The following PCDHA4 variants were observed in gnomAD, a reference collection of about 807,000 sequenced individuals.
PCDHA4 encodes the protein protocadherin alpha-4.
In PCDHA4, 49 loss-of-function variants were observed where a neutral mutation model predicts 61.4. That is an observed-to-expected ratio of 0.80 (90% CI 0.63 to 1.01). PCDHA4 has a LOEUF of 1.01. Ranked by LOEUF, PCDHA4 falls within the 50% of genes least tolerant of loss-of-function variation. The pLI, the probability that PCDHA4 is intolerant of heterozygous loss-of-function variation, is 0.00. For missense variants in PCDHA4, 1,254 were observed against 1,235.8 expected (o/e 1.01, Z -0.22); for synonymous variants, 590 against 550.3 (o/e 1.07, Z -1.01).
chr5:140,848,388 TC>T, intron 1 of PCDHA4: 1 of 1,225,380 alleles, frequency 8.2e-7, no homozygotes, highest in Non-Finnish European at 1.2e-6. Context: ...TTTCACTCTC[TC>T]TGTGCTGAAC....
chr5:140,848,592 T>C, intron 1 of PCDHA4: 1 of 1,594,614 alleles, frequency 6.3e-7, no homozygotes, highest in Non-Finnish European at 8.6e-7. Context: ...CCAGCTCCAC[T>C]ACTCCGTCCC....
intron 1 of PCDHA4, among the ~76,000 whole-genome samples, chr5:140,907,117 T>G (rs2073177882): frequency 6.6e-6 from 1 of 152,156 alleles, no homozygotes; most frequent in Non-Finnish European, 1.5e-5. Context: ...ACCCCTTGAT[T>G]CCTGGACCTG....
Position 140,820,128 on chromosome 5 carries a change from A to G in PCDHA4, c.2385+10556A>G, listed in dbSNP as rs191849856. ...TTTCTTATGTTTTTAACCATTGTGT[A>G]TTAAAATATTTCAAAATTATCAGTA... is the stretch of plus-strand genomic sequence containing the variant. On this transcript the variant is annotated intron_variant, in intron 1 of 3. Transcript: ENST00000530339. Among the ~76,000 whole-genome samples the G allele has an allele frequency of 3.5e-3, 530 of 152,088 alleles. 5 individuals are homozygous for G. Among genetic ancestry groups the G allele is most frequent in the African/African-American group, 0.012 (508 of 41,552 alleles).
chr5:140,974,221 T>A (rs75147433), intron 1 of PCDHA4, among the ~76,000 whole-genome samples: 1,739 of 152,246 alleles, frequency 0.011, 25 homozygotes, highest in Non-Finnish European at 0.017. Context: ...TAAAGAGAAA[T>A]CTTAGTTCCT....
intron 1 of PCDHA4, chr5:140,850,438 T>A: frequency 6.3e-7 from 1 of 1,597,768 alleles, no homozygotes; most frequent in Non-Finnish European, 8.6e-7. Context: ...CAGCGCCTAC[T>A]GGTGCTGGTG....
At chr5:140,870,849 G>A (rs2052464243) in intron 1 of PCDHA4, 2 of 1,613,878 alleles carry the variant, frequency 1.2e-6, no homozygotes, top group Non-Finnish European at 1.7e-6. Context: ...TAGTACCGCG[G>A]TCGGTGGGTG....
At chr5:140,901,482 G>A (rs1348405650) in intron 1 of PCDHA4, among the ~76,000 whole-genome samples, 8 of 152,010 alleles carry the variant, frequency 5.3e-5, no homozygotes, top group African/African-American at 1.9e-4. Context: ...TATGTTCTTG[G>A]CACCTTCATC....
At chr5:140,989,527 G>A (rs1172019994) in intron 3 of PCDHA4, among the ~76,000 whole-genome samples, 1 of 152,192 alleles carries the variant, frequency 6.6e-6, no homozygotes, top group Non-Finnish European at 1.5e-5. Flanking sequence ...GGGCAGAGGA[G>A]GAAGATAGTT....
At chr5:140,883,316 G>A in intron 1 of PCDHA4, 1 of 1,614,078 alleles carries the variant, frequency 6.2e-7, no homozygotes, top group East Asian at 2.2e-5. Context: ...CGCCCCAGAG[G>A]TTACCATCAC....
At chr5:141,001,025 TA>T (rs1300694860) in intron 3 of PCDHA4, among the ~76,000 whole-genome samples, 1 of 152,246 alleles carries the variant, frequency 6.6e-6, no homozygotes, top group African/African-American at 2.4e-5. Context: ...ACACTTATAA[TA>T]ATAGCTTTAA....
At chr5:140,842,736 G>A in intron 1 of PCDHA4, 1 of 1,594,954 alleles carries the variant, frequency 6.3e-7, no homozygotes, top group South Asian at 1.1e-5. Context: ...CCGCCGGGCT[G>A]CCACATCTTC....
In PCDHA4 at chr5:140,874,972, G is replaced by A. The variant is rs2055201149; in HGVS notation, c.2385+65400G>A. On this transcript the variant is annotated intron_variant, in intron 1 of 3. Coordinates refer to ENST00000530339, the MANE Select transcript of PCDHA4 (RefSeq NM_018907.4). ...TTGTAAGCTATATAAGGGGAGGGGT[G>A]CTGTATATTATTCTGTATATCATTT... 2.6e-5 allele frequency among the ~76,000 whole-genome samples: 4 copies of A among 152,186 alleles called. No homozygotes were observed. In the South Asian group the frequency reaches 6.2e-4, roughly 24 times the overall value.
At chr5:140,838,077 A>ATATAGTGTGTGT (rs1203070308) in intron 1 of PCDHA4, among the ~76,000 whole-genome samples, 2 of 80,700 alleles carry the variant, frequency 2.5e-5, no homozygotes, top group Admixed American at 2.3e-4. Context: ...ATATATATAT[A>ATATAGTGTGTGT]GTGTGTGTGT....
chr5:140,982,765 C>T (rs1345701735), intron 3 of PCDHA4, among the ~76,000 whole-genome samples: 2 of 151,722 alleles, frequency 1.3e-5, no homozygotes, highest in African/African-American at 2.4e-5. Flanking sequence ...AAAAGGATAA[C>T]AAGGAAAGTG....
chr5:140,850,333 C>G lies in PCDHA4; in HGVS notation c.2385+40761C>G, dbSNP rs2150480069. 3.1e-6 allele frequency: 5 copies of G among 1,597,624 alleles called. 1 individual carries two copies. The highest frequency in any genetic ancestry group is 4.3e-6 in the Non-Finnish European group (5 of 1,167,680). ...GCGTGGCTTTCATACGAGCTGCAGC[C>G]AGAAACGGCCAGCGCGAGCATCCCG... On this transcript the variant is annotated intron_variant, in intron 1 of 3. Coordinates refer to ENST00000530339, the MANE Select transcript of PCDHA4 (RefSeq NM_018907.4).
rs1554262648 is a variant in PCDHA4, at chr5:141,010,047, A to G, written c.*110A>G. On this transcript the variant is annotated 3_prime_UTR_variant, in exon 4 of 4. Coordinates refer to ENST00000530339, the MANE Select transcript of PCDHA4 (RefSeq NM_018907.4). The stretch of plus-strand genomic sequence containing the variant: ...CCTATCTACATGAGCCCTCTTAGAG[A>G]CCTCAGAAATCTGCAGAAAGTTCCC... 1.9e-6 allele frequency: 3 copies of G among 1,595,144 alleles called. No homozygotes were observed. The highest frequency in any genetic ancestry group is 1.7e-6 in the Non-Finnish European group (2 of 1,171,458).
chr5:140,978,868 G>C (rs2096826928), intron 1 of PCDHA4, 81 bp from the exon 2 acceptor site: 2 of 1,606,078 alleles, frequency 1.2e-6, no homozygotes, highest in Non-Finnish European at 1.7e-6. Context: ...ATATTTAAGG[G>C]AGTAACTAAT....
chr5:140,829,467 A>C, intron 1 of PCDHA4: 1 of 1,613,844 alleles, frequency 6.2e-7, no homozygotes, highest in Non-Finnish European at 8.5e-7. Context: ...GCGCAGCCCG[A>C]GTACACAGTG....
At chr5:140,835,807 T>C in intron 1 of PCDHA4, 1 of 1,612,998 alleles carries the variant, frequency 6.2e-7, no homozygotes, top group East Asian at 2.2e-5. Flanking sequence ...TGCCACATCT[T>C]CACTGTGTCG....
Sources: allele counts gnomAD v4.1 joint callset (sites outside exome capture counted in the v4.1 genomes callset), GRCh38; gene constraint gnomAD v4.1.1; transcripts MANE v1.5; gene names NCBI Gene and HGNC (gene_info 2026-07-23, HGNC 2026-07-21).